NKAIN3: variants seen among roughly 807,000 people sequenced by gnomAD.
NKAIN3 encodes the protein sodium/potassium transporting ATPase interacting 3, also known as sodium/potassium-transporting ATPase subunit beta-1-interacting protein 3.
NKAIN3 carries 25 observed loss-of-function variants against 30.2 expected under a neutral mutation model. That is an observed-to-expected ratio of 0.83 (90% confidence interval 0.60 to 1.16). NKAIN3 has a LOEUF of 1.16. NKAIN3 is among the 50% of genes most tolerant of loss of function. The pLI is 0.00. For missense variants in NKAIN3, 225 were observed against 254.1 expected (o/e 0.89, Z 0.78); for synonymous variants, 91 against 89.6 (o/e 1.02, Z -0.09).
chr8:62,501,446 T>G (rs1335828341), intron 1 of NKAIN3, among the ~76,000 whole-genome samples: 4 of 152,202 alleles, frequency 2.6e-5, no homozygotes, highest in Admixed American at 6.5e-5. Context: ...TTCATTTGCT[T>G]TCTCAATTCC....
At chr8:62,713,585 A>T (rs1045577984) in intron 3 of NKAIN3, among the ~76,000 whole-genome samples, 9 of 152,200 alleles carry the variant, frequency 5.9e-5, no homozygotes, top group Admixed American at 5.9e-4. Flanking sequence ...ACCAAGATTA[A>T]TGTTTGCGTT....
intron 1 of NKAIN3, among the ~76,000 whole-genome samples, chr8:62,382,902 C>T (rs370816958): frequency 6.6e-6 from 1 of 152,170 alleles, no homozygotes; most frequent in Non-Finnish European, 1.5e-5. Flanking sequence ...CATCTGGACA[C>T]AGCTTTTTCT....
intron 1 of NKAIN3, among the ~76,000 whole-genome samples, chr8:62,471,433 T>C (rs1328637914): frequency 2.6e-5 from 4 of 152,170 alleles, no homozygotes; most frequent in Non-Finnish European, 5.9e-5. Flanking sequence ...GTAAGTTCTG[T>C]GAAAACGATG....
At chr8:62,282,377 G>A (rs1261523279) in intron 1 of NKAIN3, among the ~76,000 whole-genome samples, 2 of 152,152 alleles carry the variant, frequency 1.3e-5, no homozygotes, top group African/African-American at 2.4e-5. Context: ...ATGTAGTCAG[G>A]TGTGGGGCCT....
chr8:62,661,983 T>G (rs1186685716), intron 3 of NKAIN3, among the ~76,000 whole-genome samples: 2 of 152,150 alleles, frequency 1.3e-5, no homozygotes, highest in Non-Finnish European at 1.5e-5. Flanking sequence ...CTCCAGGTCT[T>G]ACTAGTATAT....
chr8:62,509,356 G>A (rs1485993329), intron 1 of NKAIN3, among the ~76,000 whole-genome samples: 2 of 152,106 alleles, frequency 1.3e-5, no homozygotes, highest in Non-Finnish European at 1.5e-5. Flanking sequence ...TATCCAGGAA[G>A]AGTTCCATCC....
chr8:62,963,316 T>C (rs189844784), intron 6 of NKAIN3, among the ~76,000 whole-genome samples: 1 of 152,280 alleles, frequency 6.6e-6, no homozygotes, highest in African/African-American at 2.4e-5. Flanking sequence ...CCCACAGACA[T>C]GTTTCCCAGC....
chr8:62,645,632 G>C (rs902937224), intron 3 of NKAIN3, among the ~76,000 whole-genome samples: 1 of 152,110 alleles, frequency 6.6e-6, no homozygotes. Context: ...TATATGAAGT[G>C]ACAGATTATG....
At chr8:62,962,164 T>C (rs1171269153) in intron 6 of NKAIN3, among the ~76,000 whole-genome samples, 4 of 152,234 alleles carry the variant, frequency 2.6e-5, no homozygotes, top group Admixed American at 6.5e-5. Context: ...CACTGGTTTA[T>C]GAAATAATAG....
intron 3 of NKAIN3, among the ~76,000 whole-genome samples, chr8:62,641,726 C>T (rs1431815516): frequency 3.3e-5 from 5 of 152,070 alleles, no homozygotes; most frequent in African/African-American, 1.2e-4. Context: ...GTAACCTATT[C>T]TTGAATATGG....
intron 1 of NKAIN3, among the ~76,000 whole-genome samples, chr8:62,525,087 G>T (rs537999795): frequency 3.4e-4 from 52 of 152,068 alleles, no homozygotes; most frequent in African/African-American, 1.2e-3. Flanking sequence ...TCTTCAATTA[G>T]CAACAGCTTT....
rs1462589094 is a variant in NKAIN3, at chr8:62,969,114, C to T, written c.*3707C>T. On this transcript the variant is annotated 3_prime_UTR_variant, in exon 7 of 7. Coordinates refer to ENST00000623646, the MANE Select transcript of NKAIN3 (RefSeq NM_001304533.3). ...CTTCAAATCTGGGAGGTGGTTGGCT[C>T]ATTTGTTTTGAAGATACTCGACACT... Among the ~76,000 whole-genome samples, 2 of 152,186 alleles carry T rather than the reference C, an allele frequency of 1.3e-5. No individual in the cohort carries two copies. Among genetic ancestry groups the T allele is most frequent in the South Asian group, 2.1e-4 (1 of 4,830 alleles).
intron 4 of NKAIN3, among the ~76,000 whole-genome samples, chr8:62,837,915 A>T (rs920873063): frequency 1.3e-5 from 2 of 152,088 alleles, no homozygotes; most frequent in African/African-American, 4.8e-5. Flanking sequence ...AGAGACTTCA[A>T]ATTTACTTGA....
At chr8:62,951,652 G>T (rs1336126458) in intron 5 of NKAIN3, among the ~76,000 whole-genome samples, 5 of 151,812 alleles carry the variant, frequency 3.3e-5, no homozygotes, top group African/African-American at 2.4e-5. Flanking sequence ...TAATGGGGAC[G>T]GTGTTTCCCC....
intron 1 of NKAIN3, among the ~76,000 whole-genome samples, chr8:62,436,332 C>T (rs1302205622): frequency 6.6e-6 from 1 of 152,106 alleles, no homozygotes; most frequent in Non-Finnish European, 1.5e-5. Flanking sequence ...TTTCTTGGTC[C>T]TGTGTGTGGC....
intron 1 of NKAIN3, among the ~76,000 whole-genome samples, chr8:62,396,818 G>A (rs538538415): frequency 1.2e-3 from 188 of 152,102 alleles, no homozygotes; most frequent in Non-Finnish European, 1.9e-3. Context: ...TTCTTATTGC[G>A]GCTTTGTTTC....
chr8:62,381,405 C>G (rs189948279), intron 1 of NKAIN3, among the ~76,000 whole-genome samples: 2 of 152,016 alleles, frequency 1.3e-5, no homozygotes, highest in Non-Finnish European at 2.9e-5. Context: ...AAAGGGATGC[C>G]CTTTACTATA....
At chr8:62,297,688 G>A (rs1813882268) in intron 1 of NKAIN3, among the ~76,000 whole-genome samples, 4 of 151,970 alleles carry the variant, frequency 2.6e-5, no homozygotes, top group African/African-American at 4.8e-5. Context: ...TGCTGGAGAG[G>A]ATGTGGAGAA....
chr8:62,345,193 A>G (rs1815891710), intron 1 of NKAIN3, among the ~76,000 whole-genome samples: 1 of 151,454 alleles, frequency 6.6e-6, no homozygotes, highest in Admixed American at 6.6e-5. Context: ...TTATTAATTA[A>G]AACGGTTTTT....
Sources: gnomAD v4.1 joint callset for allele counts (sites outside exome capture counted in the v4.1 genomes callset) on GRCh38, gnomAD v4.1.1 for gene constraint, MANE v1.5 for transcripts, NCBI Gene and HGNC (gene_info 2026-07-23, HGNC 2026-07-21) for gene names.